Variants in POFUT3 observed in about 807,000 individuals in gnomAD.
POFUT3 encodes protein O-fucosyltransferase 3.
the POFUT3 span, among the ~76,000 whole-genome samples, chr8:33,411,663 C>T: frequency 6.6e-6 from 1 of 152,208 alleles, no homozygotes; most frequent in South Asian, 2.1e-4. Context: ...GTGACACATG[C>T]CTGTAATCCC....
the POFUT3 span, chr8:33,361,331 A>T: frequency 6.6e-6 from 1 of 152,216 alleles, no homozygotes; most frequent in Non-Finnish European, 1.5e-5. Flanking sequence ...ACACTGGTAT[A>T]AAAATTAAAA....
At chr8:33,451,507 T>G in the POFUT3 span, among the ~76,000 whole-genome samples, 5 of 152,056 alleles carry the variant, frequency 3.3e-5, no homozygotes, top group Non-Finnish European at 7.4e-5. Context: ...TGTAGATGTA[T>G]ATGTGTGTAC....
At chr8:33,325,422 G>T in the POFUT3 span, among the ~76,000 whole-genome samples, 1 of 152,274 alleles carries the variant, frequency 6.6e-6, no homozygotes, top group Non-Finnish European at 1.5e-5. Context: ...AACTGAGCCT[G>T]TGTCCTCTGT....
At chr8:33,358,543 C>T in the POFUT3 span, among the ~76,000 whole-genome samples, 1 of 152,086 alleles carries the variant, frequency 6.6e-6, no homozygotes, top group African/African-American at 2.4e-5. Context: ...CAATAATGCT[C>T]TTGTGATTCC....
At chr8:33,383,991 C>G in the POFUT3 span, among the ~76,000 whole-genome samples, 1 of 151,888 alleles carries the variant, frequency 6.6e-6, no homozygotes, top group Non-Finnish European at 1.5e-5. Context: ...TAGGGGACTA[C>G]CAGGAACTTA....
the POFUT3 span, among the ~76,000 whole-genome samples, chr8:33,328,369 CAAAAACAAAAACA>C: frequency 7.1e-6 from 1 of 140,526 alleles, no homozygotes; most frequent in Non-Finnish European, 1.5e-5. Flanking sequence ...AAGCCAAAAA[CAAAAACAAAAACA>C]AAAAACAAAA....
chr8:33,457,237 C>T, the POFUT3 span, among the ~76,000 whole-genome samples: 1 of 152,144 alleles, frequency 6.6e-6, no homozygotes, highest in Admixed American at 6.6e-5. Context: ...CACCTGAGGT[C>T]AGGAGTTCGA....
chr8:33,367,899 T>TA, the POFUT3 span, among the ~76,000 whole-genome samples: 1 of 152,150 alleles, frequency 6.6e-6, no homozygotes, highest in African/African-American at 2.4e-5. Flanking sequence ...CAGTTTTTTT[T>TA]AATTTAGAAG....
the POFUT3 span, among the ~76,000 whole-genome samples, chr8:33,421,123 A>G: frequency 6.6e-6 from 1 of 152,086 alleles, no homozygotes; most frequent in Non-Finnish European, 1.5e-5. Context: ...TTTGATAAAT[A>G]TTAACAAAAT....
chr8:33,382,997 G>A, the POFUT3 span, among the ~76,000 whole-genome samples: 1 of 152,142 alleles, frequency 6.6e-6, no homozygotes, highest in African/African-American at 2.4e-5. Flanking sequence ...GAGCAAGTTA[G>A]GACCAGTGGG....
the POFUT3 span, among the ~76,000 whole-genome samples, chr8:33,470,206 C>T: frequency 7.3e-6 from 1 of 137,606 alleles, no homozygotes; most frequent in Non-Finnish European, 1.5e-5. Flanking sequence ...TCAAGACCAG[C>T]CTAGGCAACA....
the POFUT3 span, among the ~76,000 whole-genome samples, chr8:33,372,992 T>G: frequency 1.3e-5 from 2 of 152,178 alleles, no homozygotes; most frequent in Non-Finnish European, 2.9e-5. Flanking sequence ...TACCCCATTT[T>G]ACAGGAGTGG....
At chr8:33,385,421 G>A in the POFUT3 span, among the ~76,000 whole-genome samples, 49,956 of 152,022 alleles carry the variant, frequency 0.33, 10,164 homozygotes, top group East Asian at 0.56. Context: ...CCCACTACAC[G>A]GTAGAAGCAA....
chr8:33,415,303 C>T, the POFUT3 span, among the ~76,000 whole-genome samples: 1 of 151,994 alleles, frequency 6.6e-6, no homozygotes, highest in African/African-American at 2.4e-5. Flanking sequence ...TCTACAAGGA[C>T]AAATAATTAG....
the POFUT3 span, among the ~76,000 whole-genome samples, chr8:33,465,052 G>A: frequency 6.6e-6 from 1 of 152,092 alleles, no homozygotes; most frequent in African/African-American, 2.4e-5. Flanking sequence ...ATTTAGACAA[G>A]TTACTGAATC....
At chr8:33,438,347 G>A in the POFUT3 span, among the ~76,000 whole-genome samples, 1 of 152,216 alleles carries the variant, frequency 6.6e-6, no homozygotes, top group Non-Finnish European at 1.5e-5. Flanking sequence ...GGAGGCCAAG[G>A]TAGGTGGATC....
chr8:33,448,169 C>T, the POFUT3 span, among the ~76,000 whole-genome samples: 3 of 151,758 alleles, frequency 2.0e-5, no homozygotes, highest in African/African-American at 4.8e-5. Context: ...ATGAGACCCC[C>T]GTCTCTACAA....
the POFUT3 span, among the ~76,000 whole-genome samples, chr8:33,355,325 G>T: frequency 1.8e-3 from 281 of 152,240 alleles, 1 homozygote; most frequent in Non-Finnish European, 3.5e-3. Flanking sequence ...TATATTAAAG[G>T]TTATAAGAGT....
At chr8:33,364,039 G>A in the POFUT3 span, among the ~76,000 whole-genome samples, 1 of 152,188 alleles carries the variant, frequency 6.6e-6, no homozygotes, top group East Asian at 1.9e-4. Flanking sequence ...CTGGCAAACC[G>A]AATCCAGCAG....
Sources: allele counts gnomAD v4.1 joint callset (sites outside exome capture counted in the v4.1 genomes callset), GRCh38; gene constraint gnomAD v4.1.1; transcripts MANE v1.5; gene names NCBI Gene and HGNC (gene_info 2026-07-23, HGNC 2026-07-21).